FGF12: variants seen among roughly 807,000 people sequenced by gnomAD.
The protein encoded by FGF12 is fibroblast growth factor 12.
In FGF12, 14 loss-of-function variants were observed where a neutral mutation model predicts 23.6. The ratio of observed to expected loss-of-function variants is 0.59; its 90% CI spans 0.39 to 0.93. The LOEUF is 0.93. Among genes scored for constraint, FGF12 ranks in the 40% least tolerant of loss-of-function variants. FGF12 has a pLI of 0.00. For missense variants in FGF12, 175 were observed against 217.8 expected (o/e 0.80, Z 1.24); for synonymous variants, 62 against 77.3 (o/e 0.80, Z 1.04).
chr3:192,195,841 T>A (rs941134211), intron 4 of FGF12, among the ~76,000 whole-genome samples: 3 of 152,140 alleles, frequency 2.0e-5, no homozygotes, highest in Admixed American at 6.5e-5. Flanking sequence ...ATGTATTACC[T>A]CATCTAGTTA....
intron 2 of FGF12, among the ~76,000 whole-genome samples, chr3:192,458,851 G>C (rs1365938725): frequency 6.6e-6 from 1 of 152,192 alleles, no homozygotes; most frequent in Non-Finnish European, 1.5e-5. Context: ...ATCTTGAATT[G>C]TATCCCCACA....
chr3:192,528,577 A>AG (rs1369789112), intron 2 of FGF12, among the ~76,000 whole-genome samples: 1 of 152,146 alleles, frequency 6.6e-6, no homozygotes, highest in African/African-American at 2.4e-5. Context: ...GTGCCCCAGT[A>AG]GGGACCCTGT....
intron 2 of FGF12, among the ~76,000 whole-genome samples, chr3:192,641,131 A>G (rs1436427278): frequency 1.2e-4 from 3 of 26,036 alleles, no homozygotes; most frequent in Non-Finnish European, 1.5e-4. Flanking sequence ...TTTGAGACGG[A>G]GTCTCACTCT....
At chr3:192,399,389 C>T (rs756617329) in intron 2 of FGF12, among the ~76,000 whole-genome samples, 6 of 152,184 alleles carry the variant, frequency 3.9e-5, no homozygotes, top group Non-Finnish European at 5.9e-5. Flanking sequence ...ACCGAATCTT[C>T]CGGCACCTTG....
intron 4 of FGF12, among the ~76,000 whole-genome samples, chr3:192,216,046 G>A (rs1718176883): frequency 6.6e-6 from 1 of 152,046 alleles, no homozygotes; most frequent in Non-Finnish European, 1.5e-5. Flanking sequence ...TAGACCCTAG[G>A]AATATAGTTC....
chr3:192,575,705 A>G (rs996606749), intron 2 of FGF12, among the ~76,000 whole-genome samples: 10 of 152,072 alleles, frequency 6.6e-5, no homozygotes, highest in Middle Eastern at 3.4e-3. Context: ...TTTCTTTCTA[A>G]TTCAGACTGA....
chr3:192,344,476 T>C (rs1251963627), intron 3 of FGF12, among the ~76,000 whole-genome samples: 3 of 152,206 alleles, frequency 2.0e-5, no homozygotes, highest in African/African-American at 4.8e-5. Context: ...CTTTAAGTTA[T>C]ATTGGTTCAC....
intron 2 of FGF12, among the ~76,000 whole-genome samples, chr3:192,481,948 T>C (rs975523324): frequency 6.6e-6 from 1 of 152,186 alleles, no homozygotes; most frequent in African/African-American, 2.4e-5. Flanking sequence ...TTCAAGCATA[T>C]TTTTATTTGT....
At chr3:192,589,074 C>T (rs766017649) in intron 2 of FGF12, among the ~76,000 whole-genome samples, 3 of 151,814 alleles carry the variant, frequency 2.0e-5, no homozygotes, top group Non-Finnish European at 2.9e-5. Flanking sequence ...TGGTGGCTCA[C>T]GCCTGTAATC....
At chr3:192,507,172 G>A (rs1215732256) in intron 2 of FGF12, among the ~76,000 whole-genome samples, 4 of 152,200 alleles carry the variant, frequency 2.6e-5, no homozygotes, top group African/African-American at 7.2e-5. Flanking sequence ...GATTACAGGC[G>A]TGAGCCACTG....
intron 4 of FGF12, among the ~76,000 whole-genome samples, chr3:192,320,894 A>G (rs1206564981): frequency 6.6e-6 from 1 of 152,046 alleles, no homozygotes; most frequent in African/African-American, 2.4e-5. Flanking sequence ...GATGCATTGT[A>G]AAGAACTAAA....
At chr3:192,698,851 C>G (rs866856016) in intron 2 of FGF12, among the ~76,000 whole-genome samples, 3 of 152,292 alleles carry the variant, frequency 2.0e-5, no homozygotes, top group Middle Eastern at 3.4e-3. Context: ...AAAGAAACCA[C>G]AAAATACCAG....
Position 192,356,319 on chromosome 3 carries a change from C to G in FGF12, c.124+4109G>C, listed in dbSNP as rs577252800. ...GGCAGCCCATTCCATATCAAATGCTCTTAATATTTTATTGTTCAGAGGTAA... is the reference window on the plus strand; with the variant it reads ...GGCAGCCCATTCCATATCAAATGCTGTTAATATTTTATTGTTCAGAGGTAA... On this transcript the variant is annotated intron_variant, in intron 3 of 5. Transcript: ENST00000445105. Among the ~76,000 whole-genome samples, 194 of 152,230 alleles carry G rather than the reference C, an allele frequency of 1.3e-3. No individual in the cohort carries two copies. The Middle Eastern group carries it at 0.017, about 13-fold the overall frequency.
chr3:192,561,735 T>C (rs1253116066), intron 2 of FGF12, among the ~76,000 whole-genome samples: 1 of 152,112 alleles, frequency 6.6e-6, no homozygotes, highest in African/African-American at 2.4e-5. Context: ...TTACAAACGA[T>C]TAGAAAATAA....
rs192337107 is a variant in FGF12 at position 192,493,147 on chromosome 3, C to T, written c.14-132609G>A. 7.9e-5 allele frequency among the ~76,000 whole-genome samples: 12 copies of T among 151,958 alleles called. No homozygotes were observed. The East Asian group carries it at 2.3e-3, about 29-fold the overall frequency. On this transcript the variant is annotated intron_variant, in intron 2 of 5. Transcript: ENST00000445105. ...ATAAAGAGTCAGAGTATGCCTTGGC[C>T]AATGACAGCAGGAGTCCAGGGTCTC...
At chr3:192,604,004 C>T (rs1041942642) in intron 2 of FGF12, among the ~76,000 whole-genome samples, 1 of 152,068 alleles carries the variant, frequency 6.6e-6, no homozygotes, top group Admixed American at 6.6e-5. Context: ...GTTTATAGAC[C>T]TCCCCCCAGG....
rs551470901 is a variant in FGF12, at chr3:192,253,596, T to C, written c.228+81765A>G. Among the ~76,000 whole-genome samples, 154 of 152,128 alleles carry C rather than the reference T, an allele frequency of 1.0e-3. 1 individual carries two copies. The highest frequency in any genetic ancestry group is 3.6e-3 in the African/African-American group (149 of 41,548). On this transcript the variant is annotated intron_variant, in intron 4 of 5. Transcript: ENST00000445105. ...AGAATTACAGAATTATTTTAAAAAA[T>C]TGAAAAAAGAAAAGGCTGGATGTGG...
chr3:192,470,637 C>T (rs1158431891), intron 2 of FGF12, among the ~76,000 whole-genome samples: 2 of 152,204 alleles, frequency 1.3e-5, no homozygotes, highest in Non-Finnish European at 2.9e-5. Context: ...GATCCTCCTG[C>T]CTCGGCCTCC....
chr3:192,330,808 G>C (rs1260927756), intron 4 of FGF12, among the ~76,000 whole-genome samples: 1 of 152,010 alleles, frequency 6.6e-6, no homozygotes, highest in African/African-American at 2.4e-5. Flanking sequence ...ACTATATCTT[G>C]GATATGACAC....
Sources: gnomAD v4.1 joint callset for allele counts (sites outside exome capture counted in the v4.1 genomes callset) on GRCh38, gnomAD v4.1.1 for gene constraint, MANE v1.5 for transcripts, NCBI Gene and HGNC (gene_info 2026-07-23, HGNC 2026-07-21) for gene names.